Variants in NPAS3 observed in about 807,000 individuals in gnomAD.
NPAS3 encodes neuronal PAS domain protein 3.
In NPAS3, 14 loss-of-function variants were observed where a neutral mutation model predicts 73.1. The observed-to-expected ratio is 0.19, with a 90% confidence interval of 0.13 to 0.30. The LOEUF (loss-of-function observed/expected upper bound fraction) is 0.30. Among genes scored for constraint, NPAS3 ranks in the 10% least tolerant of loss-of-function variants. NPAS3 has a pLI of 1.00. For synonymous variants in NPAS3, 620 were observed against 541.5 expected (o/e 1.14, Z -2.01); for missense variants, 1,096 against 1,250.0 (o/e 0.88, Z 1.86).
At chr14:33,228,743 C>T (rs2047733485) in intron 3 of NPAS3, among the ~76,000 whole-genome samples, 1 of 152,096 alleles carries the variant, frequency 6.6e-6, no homozygotes, top group East Asian at 1.9e-4. Flanking sequence ...CGCATTCTCA[C>T]CAAATAATAA....
intron 7 of NPAS3, among the ~76,000 whole-genome samples, chr14:33,760,398 C>T (rs1435814946): frequency 2.0e-5 from 3 of 152,194 alleles, no homozygotes; most frequent in African/African-American, 7.2e-5. Context: ...TAAAATAGCG[C>T]CTGGCAATAA....
chr14:33,360,872 C>T (rs2045567378), intron 3 of NPAS3, among the ~76,000 whole-genome samples: 1 of 152,132 alleles, frequency 6.6e-6, no homozygotes, highest in African/African-American at 2.4e-5. Context: ...GTGGATCACG[C>T]CTGCATTTTC....
At chr14:33,691,712 G>C (rs2060240521) in intron 6 of NPAS3, among the ~76,000 whole-genome samples, 1 of 152,154 alleles carries the variant, frequency 6.6e-6, no homozygotes, top group South Asian at 2.1e-4. Context: ...CACTTTCATA[G>C]TAAGGCAAAG....
intron 4 of NPAS3, among the ~76,000 whole-genome samples, chr14:33,445,194 G>A (rs2049430184): frequency 6.6e-6 from 1 of 152,184 alleles, no homozygotes; most frequent in South Asian, 2.1e-4. Flanking sequence ...GCTCTGAGTT[G>A]AGGTGTATAC....
intron 5 of NPAS3, among the ~76,000 whole-genome samples, chr14:33,620,837 T>C (rs1236292556): frequency 1.3e-5 from 2 of 152,182 alleles, no homozygotes; most frequent in Non-Finnish European, 2.9e-5. Context: ...GAGTGTCAAA[T>C]ATCTAACAAA....
chr14:33,250,996 G>A (rs377550652), intron 3 of NPAS3, among the ~76,000 whole-genome samples: 3 of 152,014 alleles, frequency 2.0e-5, no homozygotes, highest in African/African-American at 7.2e-5. Context: ...TATTACCAAA[G>A]GTAAAATACA....
intron 7 of NPAS3, among the ~76,000 whole-genome samples, chr14:33,745,068 C>A (rs1382551407): frequency 6.6e-6 from 1 of 151,698 alleles, no homozygotes; most frequent in Non-Finnish European, 1.5e-5. Context: ...CAGCAAGACC[C>A]CCTCTCTACA....
At chr14:33,636,483 C>T (rs1341542254) in intron 5 of NPAS3, among the ~76,000 whole-genome samples, 1 of 152,136 alleles carries the variant, frequency 6.6e-6, no homozygotes, top group Admixed American at 6.5e-5. Flanking sequence ...TATTCCTGCT[C>T]CTGAAGTTAC....
intron 1 of NPAS3, among the ~76,000 whole-genome samples, chr14:33,038,452 A>G (rs1279598508): frequency 2.6e-5 from 4 of 152,186 alleles, no homozygotes; most frequent in African/African-American, 9.6e-5. Flanking sequence ...ATATTTCTAA[A>G]AAGTCAGGAA....
At chr14:33,335,408 C>CT (rs1429215167) in intron 3 of NPAS3, among the ~76,000 whole-genome samples, 5 of 152,040 alleles carry the variant, frequency 3.3e-5, no homozygotes, top group Admixed American at 3.3e-4. Context: ...ATTCTCCCTG[C>CT]TTTTATACCC....
intron 2 of NPAS3, among the ~76,000 whole-genome samples, chr14:33,079,768 C>G (rs370970083): frequency 6.6e-6 from 1 of 151,344 alleles, no homozygotes; most frequent in Non-Finnish European, 1.5e-5. Flanking sequence ...TGTACCACCA[C>G]GCCTAGCTAA....
At chr14:33,340,437 G>T (rs1220868387) in intron 3 of NPAS3, among the ~76,000 whole-genome samples, 1 of 152,258 alleles carries the variant, frequency 6.6e-6, no homozygotes, top group Non-Finnish European at 1.5e-5. Flanking sequence ...AGAGGTTGCA[G>T]TGAGCCGAGA....
At chr14:33,215,092 T>TG (rs770355093) in intron 2 of NPAS3, 90 bp from the exon 3 acceptor site, 147 of 1,364,616 alleles carry the variant, frequency 1.1e-4, no homozygotes, top group Non-Finnish European at 1.4e-4. Flanking sequence ...AGAATTTTGG[T>TG]GGGAAAAAAG....
At chr14:32,991,434 A>G (rs1453780378) in intron 1 of NPAS3, among the ~76,000 whole-genome samples, 3 of 152,186 alleles carry the variant, frequency 2.0e-5, no homozygotes, top group Non-Finnish European at 2.9e-5. Context: ...TAGTTTGCCC[A>G]ATAACACTAG....
intron 7 of NPAS3, among the ~76,000 whole-genome samples, chr14:33,749,211 C>A (rs1415236254): frequency 6.6e-6 from 1 of 152,140 alleles, no homozygotes; most frequent in African/African-American, 2.4e-5. Flanking sequence ...TGGCAAATTT[C>A]TTTTCCTCAC....
chr14:33,574,948 A>T (rs371712254), intron 5 of NPAS3, among the ~76,000 whole-genome samples: 4 of 142,466 alleles, frequency 2.8e-5, no homozygotes, highest in African/African-American at 8.0e-5. Context: ...GGATTGGTCA[A>T]CCTTGGTCCA....
intron 2 of NPAS3, among the ~76,000 whole-genome samples, chr14:33,198,851 G>T (rs1189809439): frequency 6.6e-6 from 1 of 152,224 alleles, no homozygotes; most frequent in Non-Finnish European, 1.5e-5. Flanking sequence ...CTTGGGCATG[G>T]CAGGCTGCAG....
At chr14:32,998,681 T>C (rs1300994265) in intron 1 of NPAS3, among the ~76,000 whole-genome samples, 1 of 152,216 alleles carries the variant, frequency 6.6e-6, no homozygotes, top group Admixed American at 6.5e-5. Context: ...CCTTCCCCTG[T>C]AGTTTCCTCT....
downstream of NPAS3, chr14:33,803,563 G>A (rs2063763387): frequency 6.6e-6 from 1 of 152,132 alleles, no homozygotes; most frequent in African/African-American, 2.4e-5. Context: ...TCAAAGGAAT[G>A]CACCTATCAG....
Sources: gnomAD v4.1 joint callset for allele counts (sites outside exome capture counted in the v4.1 genomes callset) on GRCh38, gnomAD v4.1.1 for gene constraint, MANE v1.5 for transcripts, NCBI Gene and HGNC (gene_info 2026-07-23, HGNC 2026-07-21) for gene names.